Variants in PLB1 observed in about 807,000 individuals in gnomAD.
PLB1 encodes phospholipase B1.
PLB1 carries 242 observed loss-of-function variants against 227.4 expected under a neutral mutation model. The observed-to-expected ratio is 1.06, with a 90% confidence interval of 0.96 to 1.18. PLB1 has a LOEUF of 1.18. PLB1 is among the 50% of genes most tolerant of loss of function. PLB1 has a pLI of 0.00. For missense variants in PLB1, 1,858 were observed against 1,816.3 expected, an observed-to-expected ratio of 1.02 and a Z score of -0.42; for synonymous variants, 757 against 682.2, an observed-to-expected ratio of 1.11 and a Z score of -1.71.
chr2:28,523,607 C>G (rs572729523), intron 4 of PLB1, among the ~76,000 whole-genome samples: 1 of 152,122 alleles, frequency 6.6e-6, no homozygotes, highest in Non-Finnish European at 1.5e-5. Context: ...GAGCCCTTCC[C>G]CCAACCCCCT....
intron 26 of PLB1, among the ~76,000 whole-genome samples, chr2:28,587,467 G>A (rs544363694): frequency 5.3e-5 from 8 of 152,216 alleles, no homozygotes; most frequent in Admixed American, 3.9e-4. Flanking sequence ...AAAATTAGTC[G>A]GACGTGGTGG....
intron 26 of PLB1, among the ~76,000 whole-genome samples, chr2:28,588,298 G>A (rs1468961900): frequency 1.3e-5 from 2 of 152,154 alleles, no homozygotes; most frequent in African/African-American, 4.8e-5. Flanking sequence ...CCAGGACTCA[G>A]CCAACATCCT....
At chr2:28,581,960 CAAAAAAAGAAAAA>C (rs1477385253) in intron 23 of PLB1, 95 bp from the exon 24 acceptor site, 26 of 1,080,148 alleles carry the variant, frequency 2.4e-5, no homozygotes, top group Middle Eastern at 4.2e-4. Flanking sequence ...GATCCTATCT[CAAAAAAAGAAAAA>C]AAAAAAAGAA....
At chr2:28,577,966 G>A (rs192308526) in intron 21 of PLB1, 141 bp from the exon 22 acceptor site, 1,371 of 794,560 alleles carry the variant, frequency 1.7e-3, no homozygotes, top group Non-Finnish European at 2.5e-3. Flanking sequence ...AAGAAGCTCT[G>A]CGACACGGCC....
At chr2:28,517,840 C>T (rs1669027792) in intron 2 of PLB1, among the ~76,000 whole-genome samples, 1 of 151,472 alleles carries the variant, frequency 6.6e-6, no homozygotes, top group Non-Finnish European at 1.5e-5. Flanking sequence ...ACTGTGCAAC[C>T]ATCACTGCCA....
At chr2:28,586,643 G>A (rs536004771) in intron 26 of PLB1, among the ~76,000 whole-genome samples, 1 of 152,290 alleles carries the variant, frequency 6.6e-6, no homozygotes, top group South Asian at 2.1e-4. Flanking sequence ...AGGTATGTCA[G>A]GGCTCAGGGA....
intron 1 of PLB1, among the ~76,000 whole-genome samples, chr2:28,509,769 G>T (rs1286283439): frequency 6.6e-6 from 1 of 152,194 alleles, no homozygotes; most frequent in Non-Finnish European, 1.5e-5. Context: ...TTCAAAAGGG[G>T]AGAGTTCCCT....
At chr2:28,518,684 C>A in intron 3 of PLB1, 152 bp downstream of exon 3, 1 of 610,922 alleles carries the variant, frequency 1.6e-6, no homozygotes, top group Non-Finnish European at 2.9e-6. Context: ...GATGATTTCC[C>A]AGTCATCTGT....
chr2:28,539,123 G>A lies in PLB1; in HGVS notation c.643G>A (p.Val215Met). ...QEVPRAFVNLVDLSEVAEVSR... is the reference protein window; with the variant it reads ...QEVPRAFVNLMDLSEVAEVSR... Reference sequence around the variant, plus strand: ...GGTCCCCAGAGCATTTGTAAACCTGGTGGACCTCTCTGAGGTTGCAGAGGT... The same window carrying A: ...GGTCCCCAGAGCATTTGTAAACCTGATGGACCTCTCTGAGGTTGCAGAGGT... The change falls in exon 11 of 58, where the codon GTG (valine) becomes ATG (methionine). Residue 215 changes from valine to methionine, a missense_variant. By Grantham distance (21) the Val-to-Met change is conservative. Coordinates refer to ENST00000327757, the MANE Select transcript of PLB1 (RefSeq NM_153021.5). The A allele has an allele frequency of 1.2e-6, 2 of 1,613,982 alleles. No individual in the cohort carries two copies. Among genetic ancestry groups the A allele is most frequent in the Non-Finnish European group, 1.7e-6 (2 of 1,179,832 alleles).
intron 32 of PLB1, among the ~76,000 whole-genome samples, chr2:28,593,148 T>C (rs1456336702): frequency 1.3e-5 from 2 of 152,188 alleles, no homozygotes; most frequent in Non-Finnish European, 1.5e-5. Flanking sequence ...GCTCTGCTCC[T>C]AACTTCCAAG....
chr2:28,566,625 G>T (rs1014186782), intron 19 of PLB1, 171 bp from the exon 20 acceptor site: 45 of 646,406 alleles, frequency 7.0e-5, no homozygotes, highest in South Asian at 2.6e-4. Context: ...GGGGAGGGGA[G>T]TCGTATTCTG....
At chr2:28,616,217 C>T (rs985069634) in intron 44 of PLB1, among the ~76,000 whole-genome samples, 2 of 152,138 alleles carry the variant, frequency 1.3e-5, no homozygotes, top group South Asian at 2.1e-4. Flanking sequence ...ATAGCTAGAA[C>T]AGCAGATTTT....
intron 4 of PLB1, among the ~76,000 whole-genome samples, chr2:28,520,730 T>C (rs1271840482): frequency 6.6e-6 from 1 of 152,136 alleles, no homozygotes; most frequent in Non-Finnish European, 1.5e-5. Context: ...CCCAGCATTT[T>C]GGGAGGCTGA....
intron 14 of PLB1, 187 bp from the exon 15 acceptor site, chr2:28,548,673 A>G (rs533555803): frequency 1.5e-6 from 1 of 654,246 alleles, no homozygotes; most frequent in African/African-American, 1.8e-5. Context: ...AGAGCTGCTT[A>G]CAACACAGAC....
At chr2:28,507,347 C>G (rs1246416107) in intron 1 of PLB1, among the ~76,000 whole-genome samples, 1 of 152,118 alleles carries the variant, frequency 6.6e-6, no homozygotes, top group African/African-American at 2.4e-5. Flanking sequence ...CTGGGAAGTA[C>G]AAGATTGAGG....
In PLB1 at chr2:28,594,300, A is replaced by G. The variant is rs951370031; in HGVS notation, c.2321+546A>G. 4 of 251,796 alleles carry G rather than the reference A, an allele frequency of 1.6e-5. No homozygotes were observed. The East Asian group carries it at 3.8e-4, about 24-fold the overall frequency. 15.6% of individuals were successfully genotyped at this position (251,796 alleles called of 1,614,324 possible). On this transcript the variant is annotated intron_variant, in intron 33 of 57. Coordinates refer to ENST00000327757, the MANE Select transcript of PLB1 (RefSeq NM_153021.5). ...ACAAGAGGAAAGGGTGAGAAAGGGCATCCCGAACACGGAAGTGGAGAAGCT... is the reference window on the plus strand; with the variant it reads ...ACAAGAGGAAAGGGTGAGAAAGGGCGTCCCGAACACGGAAGTGGAGAAGCT...
intron 43 of PLB1, among the ~76,000 whole-genome samples, chr2:28,611,460 G>A (rs183047350): frequency 2.2e-4 from 33 of 152,206 alleles, no homozygotes; most frequent in African/African-American, 7.9e-4. Flanking sequence ...TTGTCTCTGA[G>A]GACCCTACCT....
In PLB1 at chr2:28,543,196, A is replaced by AC; in HGVS notation, c.880-15dup. On this transcript the variant is annotated splice_polypyrimidine_tract_variant and intron_variant, in intron 13 of 57. Coordinates refer to ENST00000327757, the MANE Select transcript of PLB1 (RefSeq NM_153021.5). ...GGGGAGACAAAAGGTCCCGCTGTCA[A>AC]CTGGTTCTCTTTTAGGAGGACCCCC... is the stretch of plus-strand genomic sequence containing the variant. The AC allele has an allele frequency of 6.2e-7, 1 of 1,604,104 alleles. No homozygotes were observed. The highest frequency in any genetic ancestry group is 8.5e-7 in the Non-Finnish European group (1 of 1,175,540).
intron 17 of PLB1, among the ~76,000 whole-genome samples, chr2:28,558,727 G>A (rs550604893): frequency 2.0e-5 from 3 of 152,074 alleles, no homozygotes; most frequent in East Asian, 3.9e-4. Context: ...GTGTGTAAGG[G>A]TGGATTCAAG....
Sources: allele counts gnomAD v4.1 joint callset (sites outside exome capture counted in the v4.1 genomes callset), GRCh38; gene constraint gnomAD v4.1.1; transcripts MANE v1.5; gene names NCBI Gene and HGNC (gene_info 2026-07-23, HGNC 2026-07-21).